The following REXO1 variants were observed in gnomAD, a reference collection of about 807,000 sequenced individuals.
The protein encoded by REXO1 is RNA exonuclease 1 homolog.
REXO1 carries 42 observed loss-of-function variants against 102.6 expected under a neutral mutation model. The ratio of observed to expected loss-of-function variants is 0.41; its 90% CI spans 0.32 to 0.53. REXO1 has a LOEUF of 0.53. Among genes scored for constraint, REXO1 ranks in the 20% least tolerant of loss-of-function variants. The pLI is 0.27. For synonymous variants in REXO1, 908 were observed against 779.1 expected (o/e 1.17, Z -2.76); for missense variants, 1,819 against 1,732.5 (o/e 1.05, Z -0.89).
At position 1,815,784 on chromosome 19, in the gene REXO1, G is replaced by C. The variant is rs769816638; in HGVS notation, c.*282C>G. 3.9e-5 allele frequency: 56 copies of C among 1,442,176 alleles called. No individual in the cohort carries two copies. Among genetic ancestry groups the C allele is most frequent in the Non-Finnish European group, 4.6e-5 (50 of 1,089,468 alleles). 89.3% of individuals were successfully genotyped at this position (1,442,176 alleles called of 1,614,324 possible). A position where few individuals can be genotyped will look rare whatever the true frequency, so the allele number is the denominator to read the frequency against. On this transcript the variant is annotated 3_prime_UTR_variant, in exon 16 of 16. Transcript: ENST00000170168. This position sits in a 1 kb window ranked among gnomAD's most constrained non-coding sequence, Gnocchi z 4.0. The stretch of plus-strand genomic sequence containing the variant: ...TGGCAGGAGGGGCAGGAGGGGCTGC[G>C]GGCCGGGTGGGGGCGGGCTCTGTCC...
At chr19:1,837,062 A>G (rs10422439) in intron 1 of REXO1, among the ~76,000 whole-genome samples, 114,294 of 152,236 alleles carry the variant, frequency 0.75, 43,090 homozygotes, top group Middle Eastern at 0.81. Flanking sequence ...GTGGAGACAG[A>G]AGAGGACATT....
chr19:1,830,809 A>G, intron 1 of REXO1: 1 of 179,788 alleles, frequency 5.6e-6, no homozygotes, highest in Non-Finnish European at 1.2e-5. Flanking sequence ...AATCCTCAGA[A>G]CCCGTGCCAC....
chr19:1,838,002 G>A (rs1296063852), intron 1 of REXO1, among the ~76,000 whole-genome samples: 1 of 152,206 alleles, frequency 6.6e-6, no homozygotes, highest in Admixed American at 6.5e-5. Flanking sequence ...AGAGGTCACT[G>A]CCTTTCAAAA....
chr19:1,836,694 C>CA (rs1470637963), intron 1 of REXO1, among the ~76,000 whole-genome samples: 2 of 131,804 alleles, frequency 1.5e-5, no homozygotes, highest in African/African-American at 5.9e-5. Flanking sequence ...TGCGGTGAGC[C>CA]AAGATTACGC....
chr19:1,847,746 G>A (rs561912022), intron 1 of REXO1, among the ~76,000 whole-genome samples: 205 of 152,360 alleles, frequency 1.3e-3, no homozygotes, highest in Non-Finnish European at 1.8e-3. Flanking sequence ...TGGAGACTGA[G>A]GTGGCCGCTG....
intron 1 of REXO1, among the ~76,000 whole-genome samples, chr19:1,840,687 C>T (rs2011237226): frequency 6.6e-6 from 1 of 152,090 alleles, no homozygotes; most frequent in Non-Finnish European, 1.5e-5. Flanking sequence ...GTCACCCCTC[C>T]ACTCCCTGCA....
intron 1 of REXO1, among the ~76,000 whole-genome samples, chr19:1,841,149 G>C (rs2011255876): frequency 3.3e-5 from 5 of 152,238 alleles, no homozygotes; most frequent in Admixed American, 3.3e-4. Context: ...ATGGCAACTC[G>C]AGAGGTCCCC....
In REXO1 at chr19:1,826,431, G is replaced by A. The variant is rs1401730478; in HGVS notation, c.1911+447C>T. On this transcript the variant is annotated intron_variant, in intron 2 of 15. Coordinates refer to ENST00000170168, the MANE Select transcript of REXO1 (RefSeq NM_020695.4). This position sits in a 1 kb window ranked among gnomAD's most constrained non-coding sequence, Gnocchi z 4.3. ...AAGGAGCCGGAGGGGATGAGGAGGAGGCAAGGAGAGGAGACAGAGGAGCTG... is the reference window on the plus strand; with the variant it reads ...AAGGAGCCGGAGGGGATGAGGAGGAAGCAAGGAGAGGAGACAGAGGAGCTG... 2.0e-5 allele frequency among the ~76,000 whole-genome samples: 3 copies of A among 150,346 alleles called. No individual in the cohort carries two copies. Among genetic ancestry groups the A allele is most frequent in the Non-Finnish European group, 3.0e-5 (2 of 67,756 alleles).
In REXO1 at chr19:1,848,451, A is replaced by C. The variant is rs1015587322; in HGVS notation, c.-93T>G. 6.3e-6 allele frequency: 6 copies of C among 958,008 alleles called. No individual in the cohort carries two copies. In the South Asian group the frequency reaches 2.9e-4, roughly 46 times the overall value. 59.3% of individuals were successfully genotyped at this position (958,008 alleles called of 1,614,324 possible). ...GGTCGCCGCCGCCCGCGCCTCACGG[A>C]CCCCGCCGCCGCCATCTTGCTCCGA... On this transcript the variant is annotated 5_prime_UTR_variant, in exon 1 of 16. Coordinates refer to ENST00000170168, the MANE Select transcript of REXO1 (RefSeq NM_020695.4).
rs144218114 is a variant in REXO1, at chr19:1,823,044, G to C, written c.2230+528C>G. ...CACTGATGTGAAGACGCAGGAGACA[G>C]GACAACCCCCCGTGAAGGGTCCTGT... On this transcript the variant is annotated intron_variant, in intron 4 of 15. Coordinates refer to ENST00000170168, the MANE Select transcript of REXO1 (RefSeq NM_020695.4). 455 of 153,914 alleles carry C rather than the reference G, an allele frequency of 3.0e-3. 4 individuals are homozygous for C. Among genetic ancestry groups the C allele is most frequent in the Middle Eastern group, 0.017 (5 of 298 alleles). The allele number at this position is 153,914 out of a possible 1,614,324, so 9.5% of individuals were successfully genotyped here.
At chr19:1,821,146 G>C (rs2069524135) in intron 5 of REXO1, among the ~76,000 whole-genome samples, 1 of 152,080 alleles carries the variant, frequency 6.6e-6, no homozygotes, top group African/African-American at 2.4e-5. Context: ...AGAAGATCGA[G>C]ACCATCCTGG....
intron 13 of REXO1, 30 bp downstream of exon 13, chr19:1,816,668 C>T (rs774540185): frequency 9.3e-6 from 15 of 1,607,412 alleles, no homozygotes; most frequent in Admixed American, 3.3e-5. Flanking sequence ...GCTGGGAGGG[C>T]TCCCAGCTCG....
Position 1,827,349 on chromosome 19 carries a change from G to A in REXO1, c.1440C>T (p.Pro480=), listed in dbSNP as rs751172586. 32 of 1,550,098 alleles carry A rather than the reference G, an allele frequency of 2.1e-5. No individual in the cohort carries two copies. The highest frequency in any genetic ancestry group is 6.8e-5 in the African/African-American group (5 of 73,414). Residue 480 remains proline (P), a synonymous_variant, in exon 2 of 16, where the codon CCC becomes CCT. Coordinates refer to ENST00000170168, the MANE Select transcript of REXO1 (RefSeq NM_020695.4). ...GRGPPRPLQL[P]DRKSTKAPSG... is the part of the protein sequence containing the mutation. ...ACGGGGCCTTGGTGCTCTTCCTGTC[G>A]GGCAGCTGGAGGGGGCGGGGTGGGC...
chr19:1,843,078 T>G (rs2011365018), intron 1 of REXO1, among the ~76,000 whole-genome samples: 1 of 152,112 alleles, frequency 6.6e-6, no homozygotes. Flanking sequence ...CCACCCACTC[T>G]GTGGTAGGAG....
chr19:1,839,031 G>T (rs1251695921), intron 1 of REXO1, among the ~76,000 whole-genome samples: 1 of 152,124 alleles, frequency 6.6e-6, no homozygotes, highest in Non-Finnish European at 1.5e-5. Flanking sequence ...GAGGCGGGCG[G>T]ACTGCCTTGA....
intron 8 of REXO1, 41 bp from the exon 9 acceptor site, chr19:1,818,884 C>G (rs1404837727): frequency 6.2e-7 from 1 of 1,602,592 alleles, no homozygotes; most frequent in Non-Finnish European, 8.5e-7. Flanking sequence ...CTGGGATGGC[C>G]CACGGGGCGG....
At chr19:1,817,155 G>GCCAGATGGGA in intron 12 of REXO1, 64 bp downstream of exon 12, 1 of 1,587,732 alleles carries the variant, frequency 6.3e-7, no homozygotes, top group South Asian at 1.1e-5. Context: ...GCCAGATGGG[G>GCCAGATGGGA]CGGCCGCACC....
intron 1 of REXO1, among the ~76,000 whole-genome samples, chr19:1,839,058 C>A (rs897818814): frequency 6.6e-6 from 1 of 152,050 alleles, no homozygotes; most frequent in Non-Finnish European, 1.5e-5. Context: ...GAGTTTGAGA[C>A]CAGCCTGGGC....
chr19:1,830,040 C>T (rs1296621090), intron 1 of REXO1, among the ~76,000 whole-genome samples: 6 of 152,194 alleles, frequency 3.9e-5, no homozygotes, highest in Non-Finnish European at 7.3e-5. Flanking sequence ...CAGACCCTCA[C>T]AACCTCAATG....
Sources: gnomAD v4.1 joint callset for allele counts (sites outside exome capture counted in the v4.1 genomes callset) on GRCh38, gnomAD v4.1.1 for gene constraint, Gnocchi (gnomAD v3.1) non-coding constraint, MANE v1.5 for transcripts, NCBI Gene and HGNC (gene_info 2026-07-23, HGNC 2026-07-21) for gene names.